Variants in GPAT4 observed in about 807,000 individuals in gnomAD.
The protein encoded by GPAT4 is glycerol-3-phosphate acyltransferase 4, also known as 1-AGP acyltransferase 6.
Under a neutral mutation model 58.0 loss-of-function variants are expected in GPAT4, and 17 were observed. The ratio of observed to expected loss-of-function variants is 0.29; its 90% CI spans 0.20 to 0.44. The LOEUF is 0.44. Among genes scored for constraint, GPAT4 ranks in the 20% least tolerant of loss-of-function variants. The probability of loss-of-function intolerance (pLI) is 1.00; values close to 1 mark genes in which losing one functional copy is unlikely to be tolerated. For synonymous variants in GPAT4, 204 were observed against 210.1 expected, an observed-to-expected ratio of 0.97 and a Z score of 0.25; for missense variants, 377 against 574.5, an observed-to-expected ratio of 0.66 and a Z score of 3.51.
At chr8:41,600,352 C>T in intron 2 of GPAT4, among the ~76,000 whole-genome samples, 1 of 152,050 alleles carries the variant, frequency 6.6e-6, no homozygotes. Flanking sequence ...CATATTGTAT[C>T]TTCTGGTTTT....
intron 12 of GPAT4, 36 bp from the exon 13 acceptor site, chr8:41,620,857 C>T: frequency 6.5e-7 from 1 of 1,549,632 alleles, no homozygotes; most frequent in South Asian, 1.2e-5. Flanking sequence ...TGGGAGCCCT[C>T]TTGGCTGTTA....
chr8:41,596,376 C>G (rs1465300240), intron 1 of GPAT4, among the ~76,000 whole-genome samples: 1 of 152,170 alleles, frequency 6.6e-6, no homozygotes, highest in Non-Finnish European at 1.5e-5. Context: ...AGGTCAAAAC[C>G]AAAGTATCAA....
chr8:41,579,382 G>A (rs1373398032), intron 1 of GPAT4, among the ~76,000 whole-genome samples: 1 of 152,146 alleles, frequency 6.6e-6, no homozygotes, highest in Non-Finnish European at 1.5e-5. Context: ...AGATGAGTCT[G>A]TCAAAAGTAG....
rs1803740418 is a variant in GPAT4 at position 41,621,190 on chromosome 8, G to C, written c.*189G>C. 1 of 797,470 alleles carries C rather than the reference G, an allele frequency of 1.3e-6. No homozygotes were observed. Among genetic ancestry groups the C allele is most frequent in the Non-Finnish European group, 1.9e-6 (1 of 516,768 alleles). The allele number at this position is 797,470 out of a possible 1,614,324, so 49.4% of individuals were successfully genotyped here. ...GTGCACCCGGCGCAGCCTACCCTTGGTGGTCTAAACGGATGCTGCTGGGTG... is the reference window on the plus strand; with the variant it reads ...GTGCACCCGGCGCAGCCTACCCTTGCTGGTCTAAACGGATGCTGCTGGGTG... On this transcript the variant is annotated 3_prime_UTR_variant, in exon 13 of 13. Transcript: ENST00000396987.
intron 2 of GPAT4, among the ~76,000 whole-genome samples, chr8:41,608,455 A>G (rs1803345621): frequency 6.6e-6 from 1 of 152,240 alleles, no homozygotes; most frequent in Non-Finnish European, 1.5e-5. Context: ...TAGTGATACC[A>G]TATCCAAGGG....
intron 2 of GPAT4, among the ~76,000 whole-genome samples, chr8:41,600,203 T>C (rs1004377437): frequency 6.6e-6 from 1 of 151,822 alleles, no homozygotes; most frequent in African/African-American, 2.4e-5. Flanking sequence ...CACACCCGGC[T>C]ATTTTTTCGT....
At position 41,587,987 on chromosome 8, in the gene GPAT4, C is replaced by G. The variant is rs562073145; in HGVS notation, c.-849+9709C>G. On this transcript the variant is annotated intron_variant, in intron 1 of 12. Transcript: ENST00000396987. ...CAATTCGAATTTCTCCATTTTACGA[C>G]TAACCTTTTTATTGAACACTTCCTG... 1.1e-4 allele frequency among the ~76,000 whole-genome samples: 17 copies of G among 152,352 alleles called. No individual in the cohort carries two copies. The South Asian group carries it at 3.3e-3, about 30-fold the overall frequency.
chr8:41,597,206 T>G (rs1190181644), intron 1 of GPAT4, among the ~76,000 whole-genome samples: 2 of 152,240 alleles, frequency 1.3e-5, no homozygotes, highest in African/African-American at 4.8e-5. Flanking sequence ...TAAGACAATA[T>G]GAAGGGTGGT....
chr8:41,590,697 T>A lies in GPAT4; in HGVS notation c.-848-7595T>A, dbSNP rs149963598. On this transcript the variant is annotated intron_variant, in intron 1 of 12. Coordinates refer to ENST00000396987, the MANE Select transcript of GPAT4 (RefSeq NM_178819.4). ...GACAGTGTGAAAGTGGAAGGAAATG[T>A]AAGAAGTGGCCATCAGAACTAGGAA... 4.3e-4 allele frequency among the ~76,000 whole-genome samples: 65 copies of A among 152,254 alleles called. 1 individual carries two copies. Among genetic ancestry groups the A allele is most frequent in the African/African-American group, 1.5e-3 (61 of 41,532 alleles).
At chr8:41,600,310 G>T (rs181668344) in intron 2 of GPAT4, among the ~76,000 whole-genome samples, 1 of 152,140 alleles carries the variant, frequency 6.6e-6, no homozygotes, top group Non-Finnish European at 1.5e-5. Context: ...CCACAGTGCT[G>T]GGATTACAGG....
At chr8:41,586,917 G>T (rs1201293759) in intron 1 of GPAT4, among the ~76,000 whole-genome samples, 1 of 152,200 alleles carries the variant, frequency 6.6e-6, no homozygotes, top group Non-Finnish European at 1.5e-5. Flanking sequence ...GATTGTACCT[G>T]CAGAGATTCT....
At chr8:41,585,667 A>G (rs1179768698) in intron 1 of GPAT4, among the ~76,000 whole-genome samples, 2 of 152,238 alleles carry the variant, frequency 1.3e-5, no homozygotes, top group Non-Finnish European at 2.9e-5. Flanking sequence ...AGAAAACTGA[A>G]GCATGGAATG....
intron 2 of GPAT4, among the ~76,000 whole-genome samples, chr8:41,605,465 G>C (rs898931936): frequency 2.0e-5 from 3 of 152,232 alleles, no homozygotes; most frequent in Non-Finnish European, 4.4e-5. Flanking sequence ...TAGTTCAGTA[G>C]AGCAAAAACA....
chr8:41,609,560 C>A (rs139453675), intron 3 of GPAT4, 75 bp downstream of exon 3: 4 of 1,600,810 alleles, frequency 2.5e-6, no homozygotes, highest in Non-Finnish European at 3.4e-6. Flanking sequence ...GTGCCACACA[C>A]GCTCTTCCCT....
chr8:41,610,684 T>A, intron 4 of GPAT4, 52 bp from the exon 5 acceptor site: 1 of 1,596,222 alleles, frequency 6.3e-7, no homozygotes, highest in South Asian at 1.1e-5. Flanking sequence ...TTCAGTTCTG[T>A]ACTTGGTAGA....
intron 1 of GPAT4, among the ~76,000 whole-genome samples, chr8:41,593,381 CA>C (rs1802844515): frequency 6.6e-6 from 1 of 152,132 alleles, no homozygotes; most frequent in Non-Finnish European, 1.5e-5. Context: ...AACAAAAAGA[CA>C]GTTTTAACTT....
intron 4 of GPAT4, 133 bp downstream of exon 4, chr8:41,610,088 CTCTTTGGA>C: frequency 6.8e-7 from 1 of 1,476,630 alleles, no homozygotes; most frequent in Admixed American, 2.6e-5. Context: ...GGCCACGTGA[CTCTTTGGA>C]GGGATACACT....
At position 41,599,286 on chromosome 8, in the gene GPAT4, T is replaced by C. The variant is rs753834903; in HGVS notation, c.147T>C (p.Ser49=). 15 of 1,614,010 alleles carry C rather than the reference T, an allele frequency of 9.3e-6. No individual in the cohort carries two copies. In the South Asian group the frequency reaches 1.5e-4, roughly 17 times the overall value. Residue 49 remains serine, a synonymous_variant, in exon 2 of 13, where the codon AGT becomes AGC. Coordinates refer to ENST00000396987, the MANE Select transcript of GPAT4 (RefSeq NM_178819.4). ...SFGIRKLYMK[S]LLKIFAWATL... ...GTATCCGCAAACTCTACATGAAAAG[T>C]CTGTTAAAAATCTTTGCGGTAAGTT...
intron 12 of GPAT4, chr8:41,619,230 A>T (rs928958100): frequency 1.1e-5 from 6 of 547,384 alleles, no homozygotes; most frequent in Non-Finnish European, 2.0e-5. Context: ...GTCTTCCAGG[A>T]CACCTGGACA....
Sources: allele counts gnomAD v4.1 joint callset (sites outside exome capture counted in the v4.1 genomes callset), GRCh38; gene constraint gnomAD v4.1.1; transcripts MANE v1.5; gene names NCBI Gene and HGNC (gene_info 2026-07-23, HGNC 2026-07-21).